ZNF77: variants seen among roughly 807,000 people sequenced by gnomAD.
ZNF77 encodes ZNFpT1.
In ZNF77, 15 loss-of-function variants were observed where a neutral mutation model predicts 13.5. That is an observed-to-expected ratio of 1.11 (90% CI 0.74 to 1.71). The LOEUF is 1.71. Among genes scored for constraint, ZNF77 ranks in the 40% most tolerant of loss-of-function variants. The probability of loss-of-function intolerance (pLI) is 0.00; values close to 1 mark genes in which losing one functional copy is unlikely to be tolerated. For missense variants in ZNF77, 717 were observed against 676.4 expected, an observed-to-expected ratio of 1.06 and a Z score of -0.67; for synonymous variants, 282 against 250.0, an observed-to-expected ratio of 1.13 and a Z score of -1.21.
At chr19:2,941,178 A>AAAG (rs1294498026) in intron 1 of ZNF77, among the ~76,000 whole-genome samples, 10 of 150,442 alleles carry the variant, frequency 6.6e-5, no homozygotes, top group Admixed American at 6.6e-4. Flanking sequence ...CTACCTCAAA[A>AAAG]AAAAAAAAAA....
intron 1 of ZNF77, among the ~76,000 whole-genome samples, chr19:2,944,345 C>A (rs1391798499): frequency 6.8e-6 from 1 of 147,384 alleles, no homozygotes; most frequent in East Asian, 2.0e-4. Flanking sequence ...CACCTGTCCC[C>A]CAAAACTGCC....
At chr19:2,943,692 ATTTTTTTTTTT>A (rs10633206) in intron 1 of ZNF77, among the ~76,000 whole-genome samples, 3 of 76,770 alleles carry the variant, frequency 3.9e-5, no homozygotes, top group Non-Finnish European at 6.9e-5. Context: ...TCTAGCCAGG[ATTTTTTTTTTT>A]TTTTTTTTTT....
At position 2,933,583 on chromosome 19, in the gene ZNF77, G is replaced by C; in HGVS notation, c.1544C>G (p.Thr515Ser). ...SSLRVHVRTHTGERPYECKQC... is the reference protein window; with the variant it reads ...SSLRVHVRTHSGERPYECKQC... ...CTTGCATTCATACGGTCTCTCTCCA[G>C]TGTGCGTTCTCACGTGCACACGAAG... Residue 515 changes from threonine to serine, a missense_variant, in exon 4 of 4, where the codon ACT (threonine) becomes AGT (serine). By Grantham distance (58) the Thr-to-Ser change is moderately conservative. Transcript: ENST00000314531. 2 of 1,613,910 alleles carry C rather than the reference G, an allele frequency of 1.2e-6. No individual in the cohort carries two copies. The highest frequency in any genetic ancestry group is 1.7e-6 in the Non-Finnish European group (2 of 1,179,808).
In ZNF77 at chr19:2,933,483, G is replaced by A. The variant is rs1422371153; in HGVS notation, c.*6C>T. ...ACACTCTCCCAGGTCCACTGTATTC[G>A]TAGATTCACGCTCCAGCATGTGTTC... On this transcript the variant is annotated 3_prime_UTR_variant, in exon 4 of 4. Coordinates refer to ENST00000314531, the MANE Select transcript of ZNF77 (RefSeq NM_021217.3). 38 of 1,545,762 alleles carry A rather than the reference G, an allele frequency of 2.5e-5. No individual in the cohort carries two copies. Among genetic ancestry groups the A allele is most frequent in the Non-Finnish European group, 3.3e-5 (38 of 1,143,984 alleles).
At position 2,936,536 on chromosome 19, in the gene ZNF77, T is replaced by G; in HGVS notation, c.299A>C (p.Gln100Pro). 1.2e-6 allele frequency: 2 copies of G among 1,602,006 alleles called. No individual in the cohort carries two copies. The highest frequency in any genetic ancestry group is 2.3e-5 in the South Asian group (2 of 88,282). ...GAGCGCCACTCACCTCAGATGCCTC[T>G]GTGGGATTTGGTGCTGATCTCCAGT... ...DNTGDQHQIP[Q>P]RHLRSQLGRL... The change falls in exon 3 of 4, where the codon CAG becomes CCG. Residue 100 changes from glutamine (Q) to proline (P), a missense_variant. By Grantham distance (76) the Gln-to-Pro change is moderately conservative. Transcript: ENST00000314531.
chr19:2,934,489 T>C lies in ZNF77; in HGVS notation c.638A>G (p.Glu213Gly), dbSNP rs1224062134. 5.6e-6 allele frequency: 9 copies of C among 1,614,100 alleles called. No individual in the cohort carries two copies. The highest frequency in any genetic ancestry group is 7.6e-6 in the Non-Finnish European group (9 of 1,180,046). The change falls in exon 4 of 4, where the codon GAA (glutamate) becomes GGA (glycine). Residue 213 changes from glutamate to glycine, a missense_variant. Transcript: ENST00000314531. ...VKSLSSKKSY[E>G]CQKCGKAFIC... ...GAAAGCTTTTCCACATTTCTGACAT[T>C]CATAAGACTTTTTACTGCTGAGACT... is the stretch of plus-strand genomic sequence containing the variant.
intron 1 of ZNF77, 116 bp downstream of exon 1, chr19:2,944,722 G>A (rs1375585428): frequency 1.5e-6 from 2 of 1,372,834 alleles, no homozygotes; most frequent in African/African-American, 1.5e-5. Context: ...CCAGGCGCTC[G>A]TCGTGCGCCG....
At position 2,934,254 on chromosome 19, in the gene ZNF77, A is replaced by G. The variant is rs749319787; in HGVS notation, c.873T>C (p.Thr291=). Residue 291 remains threonine (T), a synonymous_variant, in exon 4 of 4, where the codon ACT becomes ACC. Transcript: ENST00000314531. ...GCTTACATTCATACGGTTTCTCTCC[A>G]GTGTGTGTTCTGACATGTTCTCGAA... ...SYFREHVRTH[T]GEKPYECKHC... The G allele has an allele frequency of 1.2e-6, 2 of 1,613,406 alleles. No homozygotes were observed. The highest frequency in any genetic ancestry group is 2.7e-5 in the African/African-American group (2 of 74,954).
intron 2 of ZNF77, among the ~76,000 whole-genome samples, chr19:2,938,731 C>T (rs28754285): frequency 0.05 from 7,541 of 152,128 alleles, 247 homozygotes; most frequent in Non-Finnish European, 0.067. Context: ...CCAAGGCGGG[C>T]GGATCACGAG....
Position 2,944,917 on chromosome 19 carries a change from C to A in ZNF77, c.-77G>T. 2 of 1,477,032 alleles carry A rather than the reference C, an allele frequency of 1.4e-6. No homozygotes were observed. The highest frequency in any genetic ancestry group is 1.4e-5 in the African/African-American group (1 of 69,212). The allele number at this position is 1,477,032 out of a possible 1,614,324, so 91.5% of individuals were successfully genotyped here. ...CGGCGCAGGTGAGCACGACAGGACA[C>A]CTGAGCCGCTCGGGGTAGGCGGGGA... is the stretch of plus-strand genomic sequence containing the variant. On this transcript the variant is annotated 5_prime_UTR_variant, in exon 1 of 4. Coordinates refer to ENST00000314531, the MANE Select transcript of ZNF77 (RefSeq NM_021217.3).
At chr19:2,941,881 A>G (rs1373195030) in intron 1 of ZNF77, among the ~76,000 whole-genome samples, 4 of 152,060 alleles carry the variant, frequency 2.6e-5, no homozygotes, top group African/African-American at 7.2e-5. Flanking sequence ...ACAATATGGC[A>G]TGGGGCTGTG....
At position 2,936,514 on chromosome 19, in the gene ZNF77, C is replaced by G. The variant is rs1253449654; in HGVS notation, c.311+10G>C. On this transcript the variant is annotated intron_variant, in intron 3 of 3. Transcript: ENST00000314531. ...GGAGAGGCCCATCCCTCCGGTTGAG[C>G]GCCACTCACCTCAGATGCCTCTGTG... The G allele has an allele frequency of 6.3e-7, 1 of 1,577,104 alleles. No individual in the cohort carries two copies. The highest frequency in any genetic ancestry group is 8.6e-7 in the Non-Finnish European group (1 of 1,167,782).
In ZNF77 at chr19:2,944,926, C is replaced by A. The variant is rs1218720078; in HGVS notation, c.-86G>T. The A allele has an allele frequency of 6.8e-6, 10 of 1,460,780 alleles. No individual in the cohort carries two copies. Among genetic ancestry groups the A allele is most frequent in the Non-Finnish European group, 8.1e-6 (9 of 1,108,114 alleles). 90.5% of individuals were successfully genotyped at this position (1,460,780 alleles called of 1,614,324 possible). ...TGAGCACGACAGGACACCTGAGCCG[C>A]TCGGGGTAGGCGGGGAAGCGCGCAA... On this transcript the variant is annotated 5_prime_UTR_variant, in exon 1 of 4. Transcript: ENST00000314531.
intron 3 of ZNF77, among the ~76,000 whole-genome samples, chr19:2,935,995 T>G (rs903084438): frequency 6.6e-6 from 1 of 151,432 alleles, no homozygotes; most frequent in East Asian, 1.9e-4. Flanking sequence ...TCAGCCTGGT[T>G]GACAGAGTGA....
rs1311242991 is a variant in ZNF77 at position 2,944,775 on chromosome 19, G to A, written c.3+63C>T. 2.0e-6 allele frequency: 3 copies of A among 1,484,736 alleles called. No individual in the cohort carries two copies. The African/African-American group carries it at 4.4e-5, about 22-fold the overall frequency. 92.0% of individuals were successfully genotyped at this position (1,484,736 alleles called of 1,614,324 possible). The stretch of plus-strand genomic sequence containing the variant: ...CTTTCTCCGGCTGCGAACTCGGGCG[G>A]AAGCCGGTTCCTGCCGCCCCACCTC... On this transcript the variant is annotated intron_variant, in intron 1 of 3. Coordinates refer to ENST00000314531, the MANE Select transcript of ZNF77 (RefSeq NM_021217.3).
chr19:2,938,780 C>G (rs1211709685), intron 2 of ZNF77, among the ~76,000 whole-genome samples: 2 of 151,994 alleles, frequency 1.3e-5, no homozygotes, highest in South Asian at 4.1e-4. Flanking sequence ...CACGGTGAAA[C>G]CCCATCTCTA....
At chr19:2,943,692 ATTTTTTTTTT>A (rs10633206) in intron 1 of ZNF77, among the ~76,000 whole-genome samples, 8 of 76,774 alleles carry the variant, frequency 1.0e-4, no homozygotes, top group African/African-American at 3.7e-4. Context: ...TCTAGCCAGG[ATTTTTTTTTT>A]TTTTTTTTTT....
intron 1 of ZNF77, among the ~76,000 whole-genome samples, chr19:2,941,174 CAAAA>C (rs142541120): frequency 1.6e-5 from 1 of 61,554 alleles, no homozygotes; most frequent in Non-Finnish European, 3.2e-5. Flanking sequence ...CGCCCTACCT[CAAAA>C]AAAAAAAAAA....
At position 2,939,276 on chromosome 19, in the gene ZNF77, C is replaced by T. The variant is rs752910900; in HGVS notation, c.130+5G>A. The T allele has an allele frequency of 2.0e-6, 3 of 1,524,674 alleles. No homozygotes were observed. In the African/African-American group the frequency reaches 4.3e-5, roughly 22 times the overall value. The allele number at this position is 1,524,674 out of a possible 1,614,324, so 94.4% of individuals were successfully genotyped here. A position where few individuals can be genotyped will look rare whatever the true frequency, so the allele number is the denominator to read the frequency against. ...GAGGCAGTGAGGGAATGACACCACC[C>T]TTACCCAAGGAGGCAAGGTTCCTGC... On this transcript the variant is annotated splice_donor_5th_base_variant and intron_variant, in intron 2 of 3. Coordinates refer to ENST00000314531, the MANE Select transcript of ZNF77 (RefSeq NM_021217.3).
Sources: gnomAD v4.1 joint callset for allele counts (sites outside exome capture counted in the v4.1 genomes callset) on GRCh38, gnomAD v4.1.1 for gene constraint, MANE v1.5 for transcripts, NCBI Gene and HGNC (gene_info 2026-07-23, HGNC 2026-07-21) for gene names.